VPS13D: variants seen among roughly 807,000 people sequenced by gnomAD.
VPS13D encodes vacuolar protein sorting 13 homolog D, also known as intermembrane lipid transfer protein VPS13D.
Under a neutral mutation model 461.9 loss-of-function variants are expected in VPS13D, and 187 were observed. That is an observed-to-expected ratio of 0.40 (90% confidence interval 0.36 to 0.46). The LOEUF (loss-of-function observed/expected upper bound fraction) is 0.46, where lower values mean the gene tolerates loss of function less well. Ranked by LOEUF, VPS13D falls within the 20% of genes least tolerant of loss-of-function variation. The pLI, the probability that VPS13D is intolerant of heterozygous loss-of-function variation, is 0.60. For synonymous variants in VPS13D, 1,951 were observed against 1,986.3 expected, an observed-to-expected ratio of 0.98 and a Z score of 0.47; for missense variants, 4,711 against 5,364.9, an observed-to-expected ratio of 0.88 and a Z score of 3.81.
chr1:12,288,127 GC>G (rs1277730656), intron 21 of VPS13D, 95 bp from the exon 22 acceptor site: 11 of 1,061,668 alleles, frequency 1.0e-5, no homozygotes, highest in Non-Finnish European at 1.4e-5. Flanking sequence ...AGTTTCCCAA[GC>G]CTTTTTGCAT....
At chr1:12,432,562 A>G (rs1211956525) in intron 65 of VPS13D, among the ~76,000 whole-genome samples, 1 of 151,352 alleles carries the variant, frequency 6.6e-6, no homozygotes, top group African/African-American at 2.4e-5. Flanking sequence ...TGTCTTCGTT[A>G]TGAGAACACT....
intron 25 of VPS13D, among the ~76,000 whole-genome samples, 182 bp from the exon 26 acceptor site, chr1:12,304,324 C>G (rs1359516359): frequency 4.6e-5 from 7 of 152,102 alleles, no homozygotes; most frequent in Non-Finnish European, 1.0e-4. Flanking sequence ...CAGTAAATGT[C>G]GTGATCCTGG....
chr1:12,365,265 A>C (rs1248956744), intron 52 of VPS13D, among the ~76,000 whole-genome samples: 1 of 152,198 alleles, frequency 6.6e-6, no homozygotes, highest in Non-Finnish European at 1.5e-5. Flanking sequence ...TATGAATTTC[A>C]AGATGGATTT....
At position 12,242,573 on chromosome 1, in the gene VPS13D, C is replaced by T. The variant is rs775373070; in HGVS notation, c.158C>T (p.Pro53Leu). ...GATGCCTTGAAAGAATTGGAATTAC[C>T]ATTTGAAGTCAAAGCTGGTATGTGG... ...KKDALKELELPFEVKAGFIGK... is the reference protein window; with the variant it reads ...KKDALKELELLFEVKAGFIGK... The change falls in exon 3 of 70, where the codon CCA becomes CTA. Residue 53 changes from proline (P) to leucine (L), a missense_variant. Physicochemically the swap from Pro to Leu is moderately conservative, Grantham distance 98. Around this residue, in one of 3 missense-constraint regions of VPS13D, gnomAD observed 4,411 missense variants for 4,937.8 expected, o/e 0.89. Transcript: ENST00000620676. 9 of 1,614,026 alleles carry T rather than the reference C, an allele frequency of 5.6e-6. No homozygotes were observed. Among genetic ancestry groups the T allele is most frequent in the Non-Finnish European group, 7.6e-6 (9 of 1,179,960 alleles).
In VPS13D at chr1:12,360,972, T is replaced by G. The variant is rs74053863; in HGVS notation, c.10142-1748T>G. On this transcript the variant is annotated intron_variant, in intron 50 of 69. Transcript: ENST00000620676. ...GAGTGCAGTCCTTGTATATGTCGCA[T>G]CACAATACAAGCAAGCCTGATGAGG... Among the ~76,000 whole-genome samples the G allele has an allele frequency of 1.6e-3, 245 of 152,308 alleles. 1 individual carries two copies. Among genetic ancestry groups the G allele is most frequent in the African/African-American group, 5.4e-3 (223 of 41,566 alleles).
intron 37 of VPS13D, among the ~76,000 whole-genome samples, 158 bp from the exon 38 acceptor site, chr1:12,333,068 C>G (rs534428728): frequency 6.6e-6 from 1 of 152,140 alleles, no homozygotes; most frequent in Non-Finnish European, 1.5e-5. Flanking sequence ...GTAGGGTGAC[C>G]TGTAGCTAAA....
At chr1:12,403,404 A>G (rs1432658597) in intron 62 of VPS13D, among the ~76,000 whole-genome samples, 1 of 152,262 alleles carries the variant, frequency 6.6e-6, no homozygotes, top group African/African-American at 2.4e-5. Flanking sequence ...AGATTCGTGA[A>G]TTGGTGATAT....
At chr1:12,379,829 C>T (rs776031816) in intron 57 of VPS13D, among the ~76,000 whole-genome samples, 15 of 150,656 alleles carry the variant, frequency 1.0e-4, no homozygotes, top group Admixed American at 5.9e-4. Context: ...AGTGCAGTGG[C>T]ACAATCTCGG....
In VPS13D at chr1:12,400,181, G is replaced by A; in HGVS notation, c.11635G>A (p.Val3879Met). Residue 3879 changes from valine to methionine, a missense_variant and splice_region_variant, in exon 61 of 70, where the codon GTG becomes ATG. Around this residue, in one of 3 missense-constraint regions of VPS13D, gnomAD observed 4,411 missense variants for 4,937.8 expected, o/e 0.89. Coordinates refer to ENST00000620676, the MANE Select transcript of VPS13D (RefSeq NM_015378.4). ...CTTTGCTACCTTTCCATGGCCGTAG[G>A]TGGACAATCAGCTCATTGGTACCAC... ...MLELSIQDVQ[V>M]DNQLIGTTQP... is the part of the protein sequence containing the mutation. 3 of 1,613,714 alleles carry A rather than the reference G, an allele frequency of 1.9e-6. No individual in the cohort carries two copies. Among genetic ancestry groups the A allele is most frequent in the East Asian group, 2.2e-5 (1 of 44,870 alleles).
At chr1:12,390,456 T>G (rs1486649889) in intron 60 of VPS13D, among the ~76,000 whole-genome samples, 1 of 152,180 alleles carries the variant, frequency 6.6e-6, no homozygotes, top group East Asian at 1.9e-4. Flanking sequence ...GCCGCACTTC[T>G]TTAGCCGTAA....
At chr1:12,294,828 C>G (rs750262270) in intron 24 of VPS13D, among the ~76,000 whole-genome samples, 2 of 152,108 alleles carry the variant, frequency 1.3e-5, no homozygotes, top group Non-Finnish European at 2.9e-5. Flanking sequence ...AAAGTCCTGA[C>G]AGCTGCAAGC....
chr1:12,299,288 A>G lies in VPS13D; in HGVS notation c.6120A>G (p.Arg2040=). The G allele has an allele frequency of 6.2e-7, 1 of 1,614,048 alleles. No individual in the cohort carries two copies. The highest frequency in any genetic ancestry group is 1.7e-5 in the Admixed American group (1 of 59,956). ...TTCTCTTGATCCCAGAAAGTTCCAG[A>G]TCAAATAATCTGATTGTAGCAAATT... is the stretch of plus-strand genomic sequence containing the variant. ...APVLLIPESS[R]SNNLIVANLG... The change falls in exon 25 of 70, where the codon AGA becomes AGG. Residue 2040 remains arginine (R), a synonymous_variant. Coordinates refer to ENST00000620676, the MANE Select transcript of VPS13D (RefSeq NM_015378.4). This position sits in a 1 kb window ranked among gnomAD's most constrained non-coding sequence, Gnocchi z 4.2.
chr1:12,448,567 G>A (rs1414725128), intron 65 of VPS13D, among the ~76,000 whole-genome samples: 1 of 152,190 alleles, frequency 6.6e-6, no homozygotes, highest in Non-Finnish European at 1.5e-5. Flanking sequence ...CTGATGAAGA[G>A]CTGAAAGGCA....
chr1:12,497,543 C>T lies in VPS13D; in HGVS notation c.12706C>T (p.Pro4236Ser). Reference sequence around the variant, plus strand: ...TCGGAAACCGCGTTGCTGCACGGGGCCCCAGGGGCTGCTTCCCCGATATTC... The same window carrying T: ...TCGGAAACCGCGTTGCTGCACGGGGTCCCAGGGGCTGCTTCCCCGATATTC... ...RVRKPRCCTG[P>S]QGLLPRYSES... The change falls in exon 68 of 70, where the codon CCC (proline) becomes TCC (serine). Residue 4236 changes from proline (P) to serine (S), a missense_variant. By Grantham distance (74) the Pro-to-Ser change is moderately conservative. Transcript: ENST00000620676. The T allele has an allele frequency of 6.2e-7, 1 of 1,613,982 alleles. No homozygotes were observed. Among genetic ancestry groups the T allele is most frequent in the Non-Finnish European group, 8.5e-7 (1 of 1,179,958 alleles).
intron 67 of VPS13D, among the ~76,000 whole-genome samples, chr1:12,479,570 A>T (rs1645685326): frequency 6.6e-6 from 1 of 152,234 alleles, no homozygotes; most frequent in Non-Finnish European, 1.5e-5. Flanking sequence ...AAGTTGAGGC[A>T]CACAGGGGAT....
chr1:12,311,975 T>G (rs770201307), intron 29 of VPS13D, 50 bp downstream of exon 29: 1 of 1,468,848 alleles, frequency 6.8e-7, no homozygotes, highest in South Asian at 1.2e-5. Context: ...ATCCAAATAA[T>G]ACACATGTTT....
chr1:12,320,906 CAG>C (rs947870449), intron 32 of VPS13D, among the ~76,000 whole-genome samples: 5 of 152,192 alleles, frequency 3.3e-5, no homozygotes, highest in Non-Finnish European at 7.3e-5. Flanking sequence ...GATAAATCAT[CAG>C]GGGAGAATTT....
At chr1:12,329,190 C>T (rs898879138) in intron 36 of VPS13D, among the ~76,000 whole-genome samples, 5 of 152,016 alleles carry the variant, frequency 3.3e-5, no homozygotes, top group Non-Finnish European at 5.9e-5. Flanking sequence ...TATCATTTTT[C>T]AGGTAGAAAT....
intron 5 of VPS13D, among the ~76,000 whole-genome samples, chr1:12,246,541 T>G (rs1373681961): frequency 6.6e-6 from 1 of 152,168 alleles, no homozygotes; most frequent in African/African-American, 2.4e-5. Flanking sequence ...CCCAAGCCTT[T>G]CAGATAAGGG....
Sources: allele counts gnomAD v4.1 joint callset (sites outside exome capture counted in the v4.1 genomes callset), GRCh38; gene constraint gnomAD v4.1.1; regional missense constraint gnomAD v4.1.1; non-coding constraint Gnocchi (gnomAD v3.1); transcripts MANE v1.5; gene names NCBI Gene and HGNC (gene_info 2026-07-23, HGNC 2026-07-21).